MYBPC1: variants seen among roughly 807,000 people sequenced by gnomAD.
The protein encoded by MYBPC1 is myosin-binding protein C, slow-type.
Under a neutral mutation model 147.1 loss-of-function variants are expected in MYBPC1, and 52 were observed. The observed-to-expected ratio is 0.35, with a 90% CI of 0.28 to 0.45. MYBPC1 has a LOEUF of 0.45. Among genes scored for constraint, MYBPC1 ranks in the 20% least tolerant of loss-of-function variants. MYBPC1 has a pLI of 1.00. For missense variants in MYBPC1, 1,228 were observed against 1,440.3 expected, an observed-to-expected ratio of 0.85 and a Z score of 2.39; for synonymous variants, 477 against 475.9, an observed-to-expected ratio of 1.00 and a Z score of -0.03.
At chr12:101,647,920 G>A (rs1893566282) in intron 13 of MYBPC1, 125 bp from the exon 14 acceptor site, 1 of 759,286 alleles carries the variant, frequency 1.3e-6, no homozygotes, top group South Asian at 1.5e-5. Context: ...CTCACTTACT[G>A]TTATCACCAT....
intron 1 of MYBPC1, among the ~76,000 whole-genome samples, chr12:101,601,790 A>T (rs560143095): frequency 1.3e-5 from 2 of 152,100 alleles, no homozygotes; most frequent in Non-Finnish European, 2.9e-5. Flanking sequence ...AAATTGTCCA[A>T]ATCTTTCCTA....
intron 11 of MYBPC1, among the ~76,000 whole-genome samples, chr12:101,643,660 A>G (rs1325269754): frequency 6.6e-6 from 1 of 152,200 alleles, no homozygotes; most frequent in Non-Finnish European, 1.5e-5. Context: ...GAGAATTATT[A>G]TCTTTTAAAA....
At chr12:101,658,535 G>C (rs890435149) in intron 18 of MYBPC1, among the ~76,000 whole-genome samples, 3 of 152,056 alleles carry the variant, frequency 2.0e-5, no homozygotes, top group East Asian at 1.9e-4. Flanking sequence ...TTACTGGAAG[G>C]CTTAGCTAAT....
chr12:101,668,283 A>G (rs776630967), intron 23 of MYBPC1, among the ~76,000 whole-genome samples: 1 of 152,160 alleles, frequency 6.6e-6, no homozygotes, highest in Non-Finnish European at 1.5e-5. Context: ...TGAAAATATT[A>G]TGTGTACCTT....
intron 3 of MYBPC1, among the ~76,000 whole-genome samples, chr12:101,621,001 G>A (rs825092): frequency 0.15 from 22,875 of 152,078 alleles, 1,994 homozygotes; most frequent in East Asian, 0.31. Flanking sequence ...GAATGTGACT[G>A]GCAGATGAGG....
intron 3 of MYBPC1, among the ~76,000 whole-genome samples, chr12:101,621,351 A>G (rs1347403156): frequency 6.6e-6 from 1 of 152,234 alleles, no homozygotes; most frequent in African/African-American, 2.4e-5. Flanking sequence ...TTAAATGTAC[A>G]TACTTATTGT....
At chr12:101,665,517 AT>A (rs1897276111) in intron 22 of MYBPC1, among the ~76,000 whole-genome samples, 1 of 151,882 alleles carries the variant, frequency 6.6e-6, no homozygotes, top group South Asian at 2.1e-4. Context: ...TGCCTGCAGC[AT>A]TTTACTCTTC....
chr12:101,685,237 G>C (rs887088780), intron 31 of MYBPC1, among the ~76,000 whole-genome samples: 1 of 152,106 alleles, frequency 6.6e-6, no homozygotes, highest in African/African-American at 2.4e-5. Context: ...TTATTCTGCT[G>C]TTCAGTCAGA....
chr12:101,610,427 C>G (rs543463646), intron 1 of MYBPC1, among the ~76,000 whole-genome samples: 1 of 152,168 alleles, frequency 6.6e-6, no homozygotes, highest in African/African-American at 2.4e-5. Context: ...ATCCCAAATG[C>G]AAACACGTTT....
chr12:101,683,596 C>T (rs1320757211), intron 30 of MYBPC1, among the ~76,000 whole-genome samples: 1 of 152,076 alleles, frequency 6.6e-6, no homozygotes, highest in Non-Finnish European at 1.5e-5. Flanking sequence ...AAATTCCAGG[C>T]TCTATTACAA....
Sources: allele counts gnomAD v4.1 joint callset (sites outside exome capture counted in the v4.1 genomes callset), GRCh38; gene constraint gnomAD v4.1.1; transcripts MANE v1.5; gene names NCBI Gene and HGNC (gene_info 2026-07-23, HGNC 2026-07-21).